The following TUSC3 variants were observed in gnomAD, a reference collection of about 807,000 sequenced individuals.
TUSC3 encodes tumor suppressor candidate 3.
TUSC3 carries 45 observed loss-of-function variants against 44.8 expected under a neutral mutation model. The observed-to-expected ratio is 1.00, with a 90% confidence interval of 0.79 to 1.29. The LOEUF is 1.29. Among genes scored for constraint, TUSC3 ranks in the 50% most tolerant of loss-of-function variants. TUSC3 has a pLI of 0.00. For synonymous variants in TUSC3, 212 were observed against 152.9 expected (o/e 1.39, Z -2.85); for missense variants, 519 against 437.9 (o/e 1.19, Z -1.65).
downstream of TUSC3, among the ~76,000 whole-genome samples, chr8:15,767,618 G>A (rs1441759184): frequency 6.6e-6 from 1 of 152,142 alleles, no homozygotes. Flanking sequence ...GAATGGTCTT[G>A]AAGACTGCAG....
At chr8:15,653,955 C>G (rs1373100227) in intron 3 of TUSC3, among the ~76,000 whole-genome samples, 1 of 151,936 alleles carries the variant, frequency 6.6e-6, no homozygotes, top group African/African-American at 2.4e-5. Context: ...TATGTGATTC[C>G]CATAGGAATG....
chr8:15,745,276 G>A (rs1333522049), intron 8 of TUSC3, among the ~76,000 whole-genome samples: 1 of 152,070 alleles, frequency 6.6e-6, no homozygotes, highest in African/African-American at 2.4e-5. Flanking sequence ...ACATAAGAGT[G>A]CATGGGTCTT....
Position 15,570,265 on chromosome 8 carries a change from T to TACACACACACAC in TUSC3, c.138+29724_138+29735dup, listed in dbSNP as rs3070896. Among the ~76,000 whole-genome samples the TACACACACACAC allele has an allele frequency of 3.5e-3, 517 of 148,158 alleles. 2 individuals carry two copies. Among genetic ancestry groups the TACACACACACAC allele is most frequent in the Middle Eastern group, 0.018 (5 of 284 alleles). On this transcript the variant is annotated intron_variant, in intron 1 of 10. Transcript: ENST00000503731. ...AGCAACCTTGTTTTATAATGTATTT[T>TACACACACACAC]ACACACACACACACACACACACACA...
In TUSC3 at chr8:15,436,874, G is replaced by C. The variant is rs1004078644; in HGVS notation, n.91+19569G>C. 2.8e-4 allele frequency among the ~76,000 whole-genome samples: 42 copies of C among 152,100 alleles called. 1 individual carries two copies. Among genetic ancestry groups the C allele is most frequent in the African/African-American group, 9.7e-4 (40 of 41,418 alleles). On this transcript the variant is annotated intron_variant and non_coding_transcript_variant, in intron 1 of 5. Transcript: ENST00000503191. ...GTCTGAAGTATAACCCAGGTATTTTGACTTTTAGGGCAGTGCATATTTTTT... is the reference window on the plus strand; with the variant it reads ...GTCTGAAGTATAACCCAGGTATTTTCACTTTTAGGGCAGTGCATATTTTTT...
At chr8:15,441,828 T>A (rs1292039229) in intron 1 of TUSC3, among the ~76,000 whole-genome samples, 1 of 152,172 alleles carries the variant, frequency 6.6e-6, no homozygotes, top group African/African-American at 2.4e-5. Flanking sequence ...TAGAGCTTTT[T>A]GATTATGCTT....
chr8:15,566,899 T>A (rs116319882), intron 1 of TUSC3, among the ~76,000 whole-genome samples: 3,595 of 152,150 alleles, frequency 0.024, 162 homozygotes, highest in African/African-American at 0.081. Flanking sequence ...TCCCAAACCA[T>A]TGGGATTGTA....
chr8:15,726,581 G>C (rs184901993), intron 6 of TUSC3, among the ~76,000 whole-genome samples: 1 of 152,092 alleles, frequency 6.6e-6, no homozygotes, highest in Non-Finnish European at 1.5e-5. Context: ...CAAACTGGCC[G>C]GATCACTTGA....
At chr8:15,577,807 G>A (rs1439743376) in intron 1 of TUSC3, among the ~76,000 whole-genome samples, 3 of 146,800 alleles carry the variant, frequency 2.0e-5, no homozygotes, top group African/African-American at 7.7e-5. Flanking sequence ...GCTCTTTTTT[G>A]GTTCCATATG....
intron 6 of TUSC3, among the ~76,000 whole-genome samples, chr8:15,710,442 C>CGAACAA (rs910109235): frequency 2.6e-5 from 4 of 151,608 alleles, no homozygotes; most frequent in African/African-American, 9.7e-5. Context: ...GAGTTCTGAC[C>CGAACAA]GAACAAGGGC....
chr8:15,681,795 T>C (rs1424801424), intron 6 of TUSC3, among the ~76,000 whole-genome samples: 1 of 151,950 alleles, frequency 6.6e-6, no homozygotes, highest in Non-Finnish European at 1.5e-5. Context: ...TTGATCTAGG[T>C]ATTTAACACT....
intron 1 of TUSC3, among the ~76,000 whole-genome samples, chr8:15,449,364 C>T (rs1470483029): frequency 1.3e-5 from 2 of 152,088 alleles, no homozygotes; most frequent in Non-Finnish European, 2.9e-5. Context: ...TTTTTTGACC[C>T]TCTGATGTCA....
At position 15,766,159 on chromosome 8, in the gene TUSC3, T is replaced by A. The variant is rs1007132716; in HGVS notation, c.*2003T>A. 2 of 151,982 alleles carry A rather than the reference T, an allele frequency of 1.3e-5. No homozygotes were observed. The highest frequency in any genetic ancestry group is 1.3e-4 in the Admixed American group (2 of 15,226). 9.4% of individuals were successfully genotyped at this position (151,982 alleles called of 1,614,324 possible). On this transcript the variant is annotated 3_prime_UTR_variant, in exon 11 of 11. Transcript: ENST00000503731. ...TTACATCCAGTGATAAAAACAATAT[T>A]TTTTTTTCAGAATTTCATGCTTTAA...
At chr8:15,656,588 C>A (rs1444895451) in intron 3 of TUSC3, among the ~76,000 whole-genome samples, 1 of 152,152 alleles carries the variant, frequency 6.6e-6, no homozygotes. Flanking sequence ...CCTTGGGCAG[C>A]CCCACCCACC....
chr8:15,428,546 C>A (rs189571028), intron 1 of TUSC3, among the ~76,000 whole-genome samples: 3 of 152,174 alleles, frequency 2.0e-5, no homozygotes, highest in East Asian at 3.9e-4. Flanking sequence ...AATCGCCACA[C>A]CGACTTCCAC....
chr8:15,827,278 A>G, the TUSC3 span, among the ~76,000 whole-genome samples: 1 of 152,226 alleles, frequency 6.6e-6, no homozygotes, highest in Non-Finnish European at 1.5e-5. Context: ...TAAGACTGAA[A>G]ACAAACCAGT....
chr8:15,637,229 C>T (rs566975530), intron 2 of TUSC3, among the ~76,000 whole-genome samples: 1 of 148,240 alleles, frequency 6.7e-6, no homozygotes. Context: ...CACCCCATTC[C>T]CTCTTAAACT....
intron 5 of TUSC3, among the ~76,000 whole-genome samples, chr8:15,667,049 CTTATTATAAAGTCACAA>C (rs1409493851): frequency 1.3e-5 from 2 of 151,462 alleles, no homozygotes; most frequent in Non-Finnish European, 3.0e-5. Flanking sequence ...TTTTGCTTAT[CTTATTATAAAGTCACAA>C]TTGAATAAGA....
chr8:15,819,143 C>G, the TUSC3 span, among the ~76,000 whole-genome samples: 1 of 152,108 alleles, frequency 6.6e-6, no homozygotes, highest in African/African-American at 2.4e-5. Flanking sequence ...TCCATCACCA[C>G]GAGTCATAGA....
At chr8:15,605,065 A>G (rs1230330781) in intron 1 of TUSC3, among the ~76,000 whole-genome samples, 1 of 151,884 alleles carries the variant, frequency 6.6e-6, no homozygotes, top group Non-Finnish European at 1.5e-5. Context: ...GTCAGTAAAG[A>G]TGAATGTAGT....
Sources: gnomAD v4.1 joint callset for allele counts (sites outside exome capture counted in the v4.1 genomes callset) on GRCh38, gnomAD v4.1.1 for gene constraint, MANE v1.5 for transcripts, NCBI Gene and HGNC (gene_info 2026-07-23, HGNC 2026-07-21) for gene names.